TTC3: variants seen among roughly 807,000 people sequenced by gnomAD.
The protein encoded by TTC3 is tetratricopeptide repeat domain 3.
In TTC3, 180 loss-of-function variants were observed where a neutral mutation model predicts 249.6. The observed-to-expected ratio is 0.72, with a 90% CI of 0.64 to 0.82. TTC3 has a LOEUF of 0.82. Ranked by LOEUF, TTC3 falls within the 40% of genes least tolerant of loss-of-function variation. The pLI, the probability that TTC3 is intolerant of heterozygous loss-of-function variation, is 0.00. For synonymous variants in TTC3, 717 were observed against 805.0 expected (o/e 0.89, Z 1.85); for missense variants, 2,061 against 2,398.4 (o/e 0.86, Z 2.94).
At chr21:37,131,652 G>A (rs2077477880) in intron 16 of TTC3, among the ~76,000 whole-genome samples, 1 of 152,130 alleles carries the variant, frequency 6.6e-6, no homozygotes, top group African/African-American at 2.4e-5. Context: ...GGTGACCTGT[G>A]CACCCCACTT....
chr21:37,167,649 A>C, intron 34 of TTC3, 29 bp downstream of exon 34: 1 of 1,570,142 alleles, frequency 6.4e-7, no homozygotes, highest in Non-Finnish European at 8.7e-7. Context: ...AAACTGTTTA[A>C]AGGTTTAGTT....
At chr21:37,111,699 C>G (rs1468252294) in intron 11 of TTC3, among the ~76,000 whole-genome samples, 1 of 152,144 alleles carries the variant, frequency 6.6e-6, no homozygotes, top group Non-Finnish European at 1.5e-5. Flanking sequence ...CCAAGCGGAC[C>G]TAATAGACAT....
At chr21:37,149,590 C>T (rs1824379002) in intron 23 of TTC3, among the ~76,000 whole-genome samples, 1 of 152,170 alleles carries the variant, frequency 6.6e-6, no homozygotes, top group South Asian at 2.1e-4. Flanking sequence ...AGTGATGCAA[C>T]CCAAATATCT....
chr21:37,090,235 T>G, exon 6 of TTC3: 1 of 1,595,304 alleles, frequency 6.3e-7, no homozygotes, highest in African/African-American at 1.3e-5. Context: ...TTTTTCAGAA[T>G]GATTCATTCC....
exon 22 of TTC3, chr21:37,147,582 C>T (rs747718506): frequency 7.5e-6 from 12 of 1,607,818 alleles, no homozygotes; most frequent in Non-Finnish European, 1.0e-5. Context: ...TCCAGATATA[C>T]ATAACTGATC....
rs2073219380 is a variant in TTC3 at position 37,091,177 on chromosome 21, T to C, written c.481-116T>C. The C allele has an allele frequency of 2.8e-6, 3 of 1,089,718 alleles. No individual in the cohort carries two copies. The South Asian group carries it at 4.2e-5, about 15-fold the overall frequency. The allele number at this position is 1,089,718 out of a possible 1,614,324, so 67.5% of individuals were successfully genotyped here. ...TGCCAGAGTAGCAAAAAATAAGTGG[T>C]TGTACCAGTTTTGTAGTAAGGATCT... On this transcript the variant is annotated intron_variant, in intron 6 of 45. Transcript: ENST00000355666.
At chr21:37,104,522 G>A (rs1328369033) in intron 10 of TTC3, among the ~76,000 whole-genome samples, 2 of 150,902 alleles carry the variant, frequency 1.3e-5, no homozygotes, top group African/African-American at 2.4e-5. Flanking sequence ...CGTGGGAGGC[G>A]GAGGTTGCAG....
rs1413253208 is a variant in TTC3, at chr21:37,136,341, G to T, written c.1578+827G>T. On this transcript the variant is annotated intron_variant, in intron 18 of 45. Coordinates refer to ENST00000355666, the Ensembl canonical transcript of TTC3. ...AGACAGGCAGAAAGCTAGTCCTCTT[G>T]TGCCAAATAGCCAAATTGTGAATGC... 2.6e-5 allele frequency among the ~76,000 whole-genome samples: 4 copies of T among 152,324 alleles called. No homozygotes were observed. The East Asian group carries it at 7.7e-4, about 29-fold the overall frequency.
intron 39 of TTC3, among the ~76,000 whole-genome samples, chr21:37,190,916 G>A (rs1055736276): frequency 3.3e-5 from 5 of 152,054 alleles, no homozygotes; most frequent in African/African-American, 9.7e-5. Context: ...TTTATCTTAG[G>A]CTCATCCTTT....
chr21:37,110,717 A>G (rs1260545708), intron 11 of TTC3, among the ~76,000 whole-genome samples: 1 of 152,118 alleles, frequency 6.6e-6, no homozygotes, highest in Non-Finnish European at 1.5e-5. Context: ...CCACAAAGAT[A>G]CTCCTTGAGA....
chr21:37,077,910 C>A (rs1470023407), intron 1 of TTC3, among the ~76,000 whole-genome samples: 1 of 152,106 alleles, frequency 6.6e-6, no homozygotes, highest in African/African-American at 2.4e-5. Context: ...CTGATTGGAA[C>A]CTTTCTTGCC....
intron 18 of TTC3, 87 bp downstream of exon 18, chr21:37,135,601 G>A: frequency 6.8e-7 from 1 of 1,481,122 alleles, no homozygotes. Context: ...ACTCATTGTA[G>A]TAATGTACCT....
intron 7 of TTC3, 53 bp from the exon 8 acceptor site, chr21:37,093,952 G>GTT: frequency 2.5e-6 from 3 of 1,201,268 alleles, no homozygotes; most frequent in Admixed American, 1.9e-5. Flanking sequence ...ATACCAATTT[G>GTT]TTTTTTTTTA....
intron 11 of TTC3, among the ~76,000 whole-genome samples, chr21:37,113,445 A>G (rs1236551214): frequency 6.6e-6 from 1 of 152,246 alleles, no homozygotes; most frequent in Non-Finnish European, 1.5e-5. Context: ...ATTGCTTCAA[A>G]GAGAATAAAA....
chr21:37,143,027 A>G (rs1358842669), intron 20 of TTC3, among the ~76,000 whole-genome samples: 1 of 152,254 alleles, frequency 6.6e-6, no homozygotes, highest in East Asian at 1.9e-4. Flanking sequence ...TGGTGCTGGG[A>G]AAACTGGCTA....
At chr21:37,167,098 A>G (rs1224865945) in intron 33 of TTC3, among the ~76,000 whole-genome samples, 1 of 152,114 alleles carries the variant, frequency 6.6e-6, no homozygotes. Context: ...CTCCTCAGAA[A>G]GAGAAGGAAA....
At chr21:37,090,248 A>T (rs756207415) in exon 6 of TTC3, 1 of 1,605,374 alleles carries the variant, frequency 6.2e-7, no homozygotes, top group Admixed American at 1.7e-5. Flanking sequence ...TTCATTCCTT[A>T]TTGGAGGCTT....
intron 17 of TTC3, among the ~76,000 whole-genome samples, chr21:37,134,566 C>T (rs1349597813): frequency 1.3e-5 from 2 of 152,102 alleles, no homozygotes; most frequent in East Asian, 1.9e-4. Flanking sequence ...GTGAGGAATA[C>T]AACATACATA....
intron 16 of TTC3, among the ~76,000 whole-genome samples, chr21:37,130,079 A>C (rs995034029): frequency 6.6e-6 from 1 of 152,220 alleles, no homozygotes; most frequent in African/African-American, 2.4e-5. Flanking sequence ...TGTCTGCCAC[A>C]ATACACTGGT....
Sources: gnomAD v4.1 joint callset for allele counts (sites outside exome capture counted in the v4.1 genomes callset) on GRCh38, gnomAD v4.1.1 for gene constraint, MANE v1.5 for transcripts, NCBI Gene and HGNC (gene_info 2026-07-23, HGNC 2026-07-21) for gene names.